The following C2CD3 variants were observed in gnomAD, a reference collection of about 807,000 sequenced individuals.
The protein encoded by C2CD3 is C2 domain containing 3 centriole elongation regulator.
Under a neutral mutation model 234.0 loss-of-function variants are expected in C2CD3, and 148 were observed. The ratio of observed to expected loss-of-function variants is 0.63; its 90% CI spans 0.55 to 0.72. The LOEUF is 0.72. C2CD3 is among the 30% of genes least tolerant of loss of function. The pLI is 0.00. For missense variants in C2CD3, 2,577 were observed against 2,811.5 expected, an observed-to-expected ratio of 0.92 and a Z score of 1.89; for synonymous variants, 1,000 against 1,035.4, an observed-to-expected ratio of 0.97 and a Z score of 0.66.
Position 74,057,528 on chromosome 11 carries a change from C to A in C2CD3, c.4968G>T (p.Glu1656Asp), listed in dbSNP as rs1482669087. Residue 1656 changes from glutamate to aspartate, a missense_variant, in exon 25 of 33, where the codon GAG (glutamate) becomes GAT (aspartate). By Grantham distance (45) the Glu-to-Asp change is conservative. Transcript: ENST00000334126. ...AACAACTGGGTATCGATACTTTCCG[C>A]TCTGTCAAGGGGCTCCCTGAAATAG... ...HLSLKGSPLT[E>D]RKVSIPSCCV... The A allele has an allele frequency of 1.2e-6, 2 of 1,614,034 alleles. No homozygotes were observed. Among genetic ancestry groups the A allele is most frequent in the African/African-American group, 2.7e-5 (2 of 74,914 alleles).
intron 11 of C2CD3, among the ~76,000 whole-genome samples, chr11:74,109,854 C>T (rs1376093106): frequency 1.3e-5 from 2 of 151,906 alleles, no homozygotes; most frequent in Non-Finnish European, 2.9e-5. Flanking sequence ...GGGCAGATCA[C>T]GAGGTCAGGA....
intron 31 of C2CD3, among the ~76,000 whole-genome samples, chr11:74,031,771 G>T (rs1952529827): frequency 6.6e-6 from 1 of 152,170 alleles, no homozygotes; most frequent in Admixed American, 6.5e-5. Context: ...GGCACATGTG[G>T]CATCTCCTCC....
At chr11:74,132,374 A>C (rs895621246) in intron 7 of C2CD3, among the ~76,000 whole-genome samples, 10 of 152,014 alleles carry the variant, frequency 6.6e-5, no homozygotes, top group South Asian at 4.1e-4. Flanking sequence ...ACAAAAAAAA[A>C]CCCCGCAAAA....
At chr11:74,063,934 T>C (rs1018275579) in intron 24 of C2CD3, among the ~76,000 whole-genome samples, 2 of 152,178 alleles carry the variant, frequency 1.3e-5, no homozygotes, top group African/African-American at 4.8e-5. Flanking sequence ...AGTTTTAGGG[T>C]ACATGTGCAC....
chr11:74,078,738 T>C (rs922588243), intron 22 of C2CD3, 21 bp from the exon 23 acceptor site: 4 of 1,553,910 alleles, frequency 2.6e-6, no homozygotes, highest in Non-Finnish European at 3.5e-6. Context: ...AAAATAAAGA[T>C]TCTCAATTAT....
At chr11:74,061,934 C>T (rs559336542) in intron 24 of C2CD3, among the ~76,000 whole-genome samples, 82 of 151,836 alleles carry the variant, frequency 5.4e-4, no homozygotes, top group Non-Finnish European at 1.0e-3. Flanking sequence ...GAAGATCTAC[C>T]AAGCAAATGG....
chr11:74,139,030 G>A (rs557410768), intron 4 of C2CD3, 63 bp from the exon 5 acceptor site: 1 of 1,408,358 alleles, frequency 7.1e-7, no homozygotes, highest in East Asian at 2.3e-5. Flanking sequence ...ATTCTATTTT[G>A]TCAGAGACAG....
At chr11:74,073,384 C>T (rs826068) in intron 24 of C2CD3, among the ~76,000 whole-genome samples, 12,557 of 151,892 alleles carry the variant, frequency 0.083, 1,390 homozygotes, top group African/African-American at 0.25. Context: ...GTCAGGAGTT[C>T]GAGATCAGCC....
intron 26 of C2CD3, among the ~76,000 whole-genome samples, chr11:74,053,276 T>C (rs1349651330): frequency 6.6e-6 from 1 of 152,256 alleles, no homozygotes; most frequent in East Asian, 1.9e-4. Context: ...AGCACATTAT[T>C]GCTCGGTAAT....
Position 74,170,940 on chromosome 11 carries a change from T to A in C2CD3, c.-148A>T. The A allele has an allele frequency of 6.7e-7, 1 of 1,502,972 alleles. No individual in the cohort carries two copies. Among genetic ancestry groups the A allele is most frequent in the Non-Finnish European group, 8.9e-7 (1 of 1,129,826 alleles). The allele number at this position is 1,502,972 out of a possible 1,614,324, so 93.1% of individuals were successfully genotyped here. On this transcript the variant is annotated 5_prime_UTR_variant, in exon 1 of 33. Coordinates refer to ENST00000334126, the MANE Select transcript of C2CD3 (RefSeq NM_001286577.2). Reference sequence around the variant, plus strand: ...AGGCAGGAAAAAGCGACTCTTCCTCTAACAGTCTCCGGAAAACGGTGCGAA... The same window carrying A: ...AGGCAGGAAAAAGCGACTCTTCCTCAAACAGTCTCCGGAAAACGGTGCGAA...
At chr11:74,065,157 CTACCCATCTGACAAAGGGCTAA>C (rs1216427565) in intron 24 of C2CD3, among the ~76,000 whole-genome samples, 2 of 152,192 alleles carry the variant, frequency 1.3e-5, no homozygotes, top group Non-Finnish European at 2.9e-5. Context: ...TTTTTACAAT[CTACCCATCTGACAAAGGGCTAA>C]TATCCAGAAT....
chr11:74,061,972 T>G (rs1305685911), intron 24 of C2CD3, among the ~76,000 whole-genome samples: 3 of 151,874 alleles, frequency 2.0e-5, no homozygotes, highest in African/African-American at 7.3e-5. Context: ...GGGGTTGCAA[T>G]CCTAGTCTCT....
At chr11:74,023,019 G>A (rs1952151053) in intron 32 of C2CD3, among the ~76,000 whole-genome samples, 1 of 152,244 alleles carries the variant, frequency 6.6e-6, no homozygotes, top group African/African-American at 2.4e-5. Context: ...TGAGAAAGCA[G>A]ACTCAGAAAA....
intron 9 of C2CD3, among the ~76,000 whole-genome samples, chr11:74,117,174 ATATATATATGAATATATATATATGAAT>A (rs1957042280): frequency 3.2e-5 from 1 of 31,620 alleles, no homozygotes; most frequent in Non-Finnish European, 5.8e-5. Flanking sequence ...ATATATGAAT[ATATATATATGAATATATATATATGAAT>A]ATATATATAT....
In C2CD3 at chr11:74,037,634, G is replaced by C; in HGVS notation, c.5725C>G (p.Leu1909Val). The change falls in exon 30 of 33, where the codon CTA becomes GTA. Residue 1909 changes from leucine (L) to valine (V), a missense_variant. Leu to Val is a conservative substitution (Grantham distance 32). Transcript: ENST00000334126. ...GTTTGAGTCTGAGGGCTGAGGGGTA[G>C]GAAAGGCTTGGTGAGCTTCTGGCGG... ...YFRQKLTKPF[L>V]PLSPQTQTAI... 1 of 1,614,128 alleles carries C rather than the reference G, an allele frequency of 6.2e-7. No homozygotes were observed. Among genetic ancestry groups the C allele is most frequent in the Admixed American group, 1.7e-5 (1 of 60,016 alleles).
chr11:74,037,351 AGG>A, intron 30 of C2CD3, 125 bp downstream of exon 30: 1 of 719,286 alleles, frequency 1.4e-6, no homozygotes, highest in Non-Finnish European at 2.4e-6. Flanking sequence ...AAAAAAAAAA[AGG>A]AAGAGGGTGA....
At chr11:74,168,757 C>A in intron 1 of C2CD3, 144 bp from the exon 2 acceptor site, 2 of 718,374 alleles carry the variant, frequency 2.8e-6, no homozygotes, top group Non-Finnish European at 4.6e-6. Context: ...TTTATCCTAC[C>A]CATTATTCTA....
At chr11:74,088,127 T>C (rs1291024773) in intron 20 of C2CD3, among the ~76,000 whole-genome samples, 2 of 152,284 alleles carry the variant, frequency 1.3e-5, no homozygotes, top group Middle Eastern at 3.4e-3. Context: ...ACTTCTCTGA[T>C]TTTACTGGCA....
rs773243735 is a variant in C2CD3, at chr11:74,161,537, C to T, written c.345G>A (p.Leu115=). 2.5e-6 allele frequency: 4 copies of T among 1,580,290 alleles called. No individual in the cohort carries two copies. The Admixed American group carries it at 5.6e-5, about 22-fold the overall frequency. The change falls in exon 3 of 33, where the codon CTG becomes CTA. Residue 115 remains leucine (L), a synonymous_variant. Coordinates refer to ENST00000334126, the MANE Select transcript of C2CD3 (RefSeq NM_001286577.2). ...GACCATCAAGTTTGGTGATTACTTC[C>T]AGCACCAGCACAGCCATATCTAACC... ...SYLTDMAVLV[L]EVITKLDGLP... is the part of the protein sequence containing the mutation.
Sources: allele counts gnomAD v4.1 joint callset (sites outside exome capture counted in the v4.1 genomes callset), GRCh38; gene constraint gnomAD v4.1.1; transcripts MANE v1.5; gene names NCBI Gene and HGNC (gene_info 2026-07-23, HGNC 2026-07-21).